Variants in NME7 observed in about 807,000 individuals in gnomAD.
The protein encoded by NME7 is NME/NM23 family member 7, also known as nucleoside diphosphate kinase 7.
Under a neutral mutation model 49.1 loss-of-function variants are expected in NME7, and 41 were observed. The observed-to-expected ratio is 0.83, with a 90% CI of 0.65 to 1.08. NME7 has a LOEUF of 1.08. NME7 is among the 50% of genes least tolerant of loss of function. NME7 has a pLI of 0.00. For missense variants in NME7, 423 were observed against 463.4 expected (o/e 0.91, Z 0.80); for synonymous variants, 139 against 150.6 (o/e 0.92, Z 0.56).
chr1:169,237,686 T>A lies in NME7; in HGVS notation c.756A>T (p.Gly252=). ...TAGCCATCAGGATCTTTCCCAACAG[T>A]CCTGAAAATGAAGGACAATGAGTGA... ...CIVKPHAVSE[G]LLGKILMAIR... Residue 252 remains glycine (G), a splice_region_variant and synonymous_variant, in exon 8 of 12, where the codon GGA becomes GGT. Transcript: ENST00000367811. 1 of 1,606,192 alleles carries A rather than the reference T, an allele frequency of 6.2e-7. No homozygotes were observed. The highest frequency in any genetic ancestry group is 1.1e-5 in the South Asian group (1 of 89,862).
chr1:169,201,652 CTG>C (rs1660554496), intron 10 of NME7, among the ~76,000 whole-genome samples: 1 of 152,130 alleles, frequency 6.6e-6, no homozygotes, highest in Non-Finnish European at 1.5e-5. Context: ...GCTTAGCTGA[CTG>C]TGGCTGGTAA....
intron 1 of NME7, among the ~76,000 whole-genome samples, chr1:169,359,758 G>C (rs1193923859): frequency 1.3e-5 from 2 of 151,852 alleles, no homozygotes. Context: ...ATCTATCAGA[G>C]AGCTCTAGAG....
intron 5 of NME7, 45 bp downstream of exon 5, chr1:169,303,100 G>A (rs1188344142): frequency 7.8e-7 from 1 of 1,280,264 alleles, no homozygotes; most frequent in Non-Finnish European, 1.1e-6. Flanking sequence ...AGTTTTCTAG[G>A]ATATCCTCCT....
chr1:169,169,643 A>G lies in NME7; in HGVS notation c.991-89T>C, dbSNP rs965231345. ...AGCTATATGAAACGCTAACTTATTT[A>G]TGAAATACATGTTATATATAGACAG... On this transcript the variant is annotated intron_variant, in intron 10 of 11. Coordinates refer to ENST00000367811, the MANE Select transcript of NME7 (RefSeq NM_013330.5). 2.2e-5 allele frequency: 25 copies of G among 1,129,746 alleles called. No homozygotes were observed. In the African/African-American group the frequency reaches 3.7e-4, roughly 17 times the overall value. 70.0% of individuals were successfully genotyped at this position (1,129,746 alleles called of 1,614,324 possible). A position where few individuals can be genotyped will look rare whatever the true frequency, so the allele number is the denominator to read the frequency against.
At chr1:169,134,884 T>TA (rs1211008632) in intron 11 of NME7, among the ~76,000 whole-genome samples, 1 of 151,702 alleles carries the variant, frequency 6.6e-6, no homozygotes, top group East Asian at 1.9e-4. Flanking sequence ...CTTGACAGTA[T>TA]AGCATTTTAG....
intron 10 of NME7, among the ~76,000 whole-genome samples, chr1:169,206,738 A>G (rs1276040507): frequency 7.0e-6 from 1 of 142,752 alleles, no homozygotes; most frequent in East Asian, 2.5e-4. Flanking sequence ...ATTAAAATGT[A>G]GCAGCTGATT....
intron 5 of NME7, among the ~76,000 whole-genome samples, chr1:169,299,917 G>A (rs1024292253): frequency 2.0e-5 from 3 of 151,814 alleles, no homozygotes; most frequent in Middle Eastern, 3.4e-3. Context: ...CACTCAATAA[G>A]CATTTAATAA....
At chr1:169,324,736 T>A (rs1161384130) in intron 1 of NME7, among the ~76,000 whole-genome samples, 1 of 152,258 alleles carries the variant, frequency 6.6e-6, no homozygotes, top group Non-Finnish European at 1.5e-5. Flanking sequence ...GGATTGCTTT[T>A]TACTTTACAG....
intron 1 of NME7, among the ~76,000 whole-genome samples, chr1:169,339,252 CT>C (rs1652595955): frequency 6.6e-6 from 1 of 152,102 alleles, no homozygotes. Flanking sequence ...TCTTTTCTTA[CT>C]TTTTTGGTAA....
chr1:169,159,896 T>C (rs767038865), intron 11 of NME7, among the ~76,000 whole-genome samples: 6 of 152,160 alleles, frequency 3.9e-5, no homozygotes, highest in Non-Finnish European at 7.4e-5. Context: ...GACTTCAGAA[T>C]TTGAGTCACC....
At chr1:169,300,884 G>A (rs1650909850) in intron 5 of NME7, among the ~76,000 whole-genome samples, 1 of 152,086 alleles carries the variant, frequency 6.6e-6, no homozygotes, top group African/African-American at 2.4e-5. Context: ...CTAGCCATAA[G>A]CAGAAGAAAG....
At chr1:169,281,000 A>G (rs1329632086) in intron 7 of NME7, among the ~76,000 whole-genome samples, 1 of 152,022 alleles carries the variant, frequency 6.6e-6, no homozygotes, top group African/African-American at 2.4e-5. Flanking sequence ...AAGAAAGTCA[A>G]TGGTAGCTTG....
At chr1:169,156,888 A>G (rs1659091911) in intron 11 of NME7, among the ~76,000 whole-genome samples, 1 of 152,242 alleles carries the variant, frequency 6.6e-6, no homozygotes, top group Admixed American at 6.5e-5. Flanking sequence ...GGCCTCTTAT[A>G]TTATCATGAT....
rs1381260873 is a variant in NME7 at position 169,355,080 on chromosome 1, ATATAATATACTATATAT to A, written c.3+12611_3+12627del. Among the ~76,000 whole-genome samples, 280 of 62,880 alleles carry A rather than the reference ATATAATATACTATATAT, an allele frequency of 4.5e-3. 41 individuals are homozygous for A. Among genetic ancestry groups the A allele is most frequent in the East Asian group, 0.032 (57 of 1,788 alleles). 41.3% of individuals were successfully genotyped at this position (62,880 alleles called of 152,430 possible). A position where few individuals can be genotyped will look rare whatever the true frequency, so the allele number is the denominator to read the frequency against. ...ATATACTATATATTATAGATATAAT[ATATAATATACTATATAT>A]TATAGATATAATATATAATATACTA... On this transcript the variant is annotated intron_variant, in intron 1 of 11. Coordinates refer to ENST00000367811, the MANE Select transcript of NME7 (RefSeq NM_013330.5).
At chr1:169,311,193 C>T (rs879840954) in intron 3 of NME7, among the ~76,000 whole-genome samples, 9 of 151,830 alleles carry the variant, frequency 5.9e-5, no homozygotes, top group South Asian at 2.1e-4. Flanking sequence ...CCGAGGCAGG[C>T]GGATCAAGAG....
At chr1:169,151,596 C>T (rs899818815) in intron 11 of NME7, among the ~76,000 whole-genome samples, 11 of 152,284 alleles carry the variant, frequency 7.2e-5, no homozygotes, top group South Asian at 4.1e-4. Flanking sequence ...CTGTCCAGCC[C>T]CCTGAAGCCT....
intron 9 of NME7, among the ~76,000 whole-genome samples, chr1:169,232,235 T>C (rs1429799667): frequency 1.3e-5 from 2 of 151,728 alleles, no homozygotes; most frequent in Admixed American, 1.3e-4. Context: ...AGCAATAAAT[T>C]TGAAGACATT....
intron 11 of NME7, among the ~76,000 whole-genome samples, chr1:169,166,659 C>T (rs1232449964): frequency 1.3e-5 from 2 of 152,138 alleles, no homozygotes; most frequent in Non-Finnish European, 2.9e-5. Context: ...GGAGTAAAGA[C>T]CTCGGTAAAA....
chr1:169,179,723 G>T (rs374178026), intron 10 of NME7, among the ~76,000 whole-genome samples: 1 of 152,054 alleles, frequency 6.6e-6, no homozygotes, highest in South Asian at 2.1e-4. Flanking sequence ...TCAAATACCC[G>T]CATGTTCTCA....
Sources: allele counts gnomAD v4.1 joint callset (sites outside exome capture counted in the v4.1 genomes callset), GRCh38; gene constraint gnomAD v4.1.1; transcripts MANE v1.5; gene names NCBI Gene and HGNC (gene_info 2026-07-23, HGNC 2026-07-21).